SLC9C1: variants seen among roughly 807,000 people sequenced by gnomAD.
The protein encoded by SLC9C1 is solute carrier family 9 member C1, also known as sodium/hydrogen exchanger 10.
SLC9C1 carries 97 observed loss-of-function variants against 140.9 expected under a neutral mutation model. That is an observed-to-expected ratio of 0.69 (90% CI 0.58 to 0.82). The LOEUF is 0.82. Among genes scored for constraint, SLC9C1 ranks in the 40% least tolerant of loss-of-function variants. The pLI, the probability that SLC9C1 is intolerant of heterozygous loss-of-function variation, is 0.00. For synonymous variants in SLC9C1, 440 were observed against 442.6 expected (o/e 0.99, Z 0.07); for missense variants, 1,340 against 1,389.3 (o/e 0.96, Z 0.56).
At chr3:112,179,160 G>A (rs2077393238) in intron 23 of SLC9C1, among the ~76,000 whole-genome samples, 1 of 152,082 alleles carries the variant, frequency 6.6e-6, no homozygotes, top group South Asian at 2.1e-4. Context: ...CATGTGTAGG[G>A]AAACTTCCAG....
chr3:112,248,881 A>G (rs892600018), intron 10 of SLC9C1, among the ~76,000 whole-genome samples: 10 of 152,204 alleles, frequency 6.6e-5, no homozygotes, highest in African/African-American at 2.2e-4. Context: ...GTATAAAATC[A>G]TATCTTCTGC....
intron 20 of SLC9C1, among the ~76,000 whole-genome samples, chr3:112,185,032 A>G (rs2077505975): frequency 6.6e-6 from 1 of 152,052 alleles, no homozygotes; most frequent in Admixed American, 6.5e-5. Flanking sequence ...GGGGAGAGTC[A>G]TGTGCATGAG....
chr3:112,219,333 A>G (rs11715536), intron 14 of SLC9C1, among the ~76,000 whole-genome samples: 45,439 of 152,104 alleles, frequency 0.3, 6,994 homozygotes, highest in East Asian at 0.35. Flanking sequence ...AAGCACATCA[A>G]TAGAAAGTTC....
chr3:112,268,739 A>T (rs1456731520), intron 7 of SLC9C1, among the ~76,000 whole-genome samples: 2 of 152,176 alleles, frequency 1.3e-5, no homozygotes, highest in African/African-American at 2.4e-5. Flanking sequence ...CCCTTATTGT[A>T]TTAGCTAGAG....
intron 11 of SLC9C1, 103 bp downstream of exon 11, chr3:112,243,892 A>C: frequency 5.5e-6 from 4 of 731,362 alleles, no homozygotes; most frequent in East Asian, 3.0e-5. Flanking sequence ...GGGTCTCACT[A>C]TGTTGCCTAG....
chr3:112,263,463 G>T (rs2079831896), intron 9 of SLC9C1, among the ~76,000 whole-genome samples: 1 of 151,584 alleles, frequency 6.6e-6, no homozygotes, highest in African/African-American at 2.4e-5. Context: ...AATGTTCTCT[G>T]TTTCTTTTTG....
chr3:112,257,990 G>C (rs901413187), intron 10 of SLC9C1, among the ~76,000 whole-genome samples: 20 of 152,140 alleles, frequency 1.3e-4, no homozygotes, highest in African/African-American at 4.6e-4. Context: ...AAACCATTAT[G>C]AGATACCATC....
At chr3:112,289,924 C>T (rs56065326) in intron 1 of SLC9C1, among the ~76,000 whole-genome samples, 31,193 of 152,022 alleles carry the variant, frequency 0.21, 3,604 homozygotes, top group Middle Eastern at 0.3. Context: ...AATACTGATG[C>T]CTTGGTGCCC....
intron 13 of SLC9C1, among the ~76,000 whole-genome samples, chr3:112,229,105 A>C (rs1045700332): frequency 6.6e-6 from 1 of 152,124 alleles, no homozygotes; most frequent in Non-Finnish European, 1.5e-5. Context: ...TCTCACTCAT[A>C]TATGGAAGCT....
At chr3:112,217,384 A>T in intron 15 of SLC9C1, 58 bp downstream of exon 15, 2 of 1,500,560 alleles carry the variant, frequency 1.3e-6, no homozygotes, top group Non-Finnish European at 1.8e-6. Context: ...TTAAAAGAAA[A>T]AACAGGGAAT....
chr3:112,193,479 G>A (rs1344352713), intron 20 of SLC9C1, among the ~76,000 whole-genome samples: 1 of 152,186 alleles, frequency 6.6e-6, no homozygotes, highest in Admixed American at 6.5e-5. Context: ...GCAGGCCAGA[G>A]GCATGTCTGT....
intron 11 of SLC9C1, among the ~76,000 whole-genome samples, chr3:112,243,344 C>T (rs369603756): frequency 6.6e-6 from 1 of 152,254 alleles, no homozygotes; most frequent in East Asian, 1.9e-4. Flanking sequence ...TAAAAAAGAA[C>T]AAGATTATGC....
chr3:112,173,108 T>A (rs574128037), intron 23 of SLC9C1, among the ~76,000 whole-genome samples: 2 of 152,182 alleles, frequency 1.3e-5, no homozygotes, highest in African/African-American at 4.8e-5. Flanking sequence ...TGACAAAGTC[T>A]GTGTAAGATT....
At chr3:112,286,265 T>C (rs535377267) in intron 2 of SLC9C1, among the ~76,000 whole-genome samples, 9 of 152,334 alleles carry the variant, frequency 5.9e-5, no homozygotes, top group African/African-American at 2.2e-4. Context: ...TGCTTCTTTG[T>C]AATACAGTCC....
intron 10 of SLC9C1, among the ~76,000 whole-genome samples, chr3:112,247,011 C>T (rs1267392955): frequency 6.6e-6 from 1 of 152,056 alleles, no homozygotes; most frequent in African/African-American, 2.4e-5. Context: ...GGTCTTTTCC[C>T]CTCTTGTTTT....
intron 26 of SLC9C1, among the ~76,000 whole-genome samples, chr3:112,164,405 T>G (rs2075401630): frequency 7.2e-6 from 1 of 137,954 alleles, no homozygotes; most frequent in Non-Finnish European, 1.5e-5. Context: ...TTGCAGCAGC[T>G]GGTACCGGTT....
chr3:112,184,588 A>C (rs1173402928), intron 20 of SLC9C1, among the ~76,000 whole-genome samples: 1 of 152,200 alleles, frequency 6.6e-6, no homozygotes, highest in Non-Finnish European at 1.5e-5. Flanking sequence ...GTGAGCCGAA[A>C]TCTTGCTACT....
chr3:112,273,709 G>A (rs2080139436), intron 6 of SLC9C1, among the ~76,000 whole-genome samples: 5 of 152,160 alleles, frequency 3.3e-5, no homozygotes, highest in Admixed American at 3.3e-4. Context: ...TCTAGGGACA[G>A]GGAAAACAAT....
At position 112,270,060 on chromosome 3, in the gene SLC9C1, C is replaced by A; in HGVS notation, c.631G>T (p.Gly211Ter). Reference sequence around the variant, plus strand: ...CTTGCTATAATATATGAACAAATTCCACCCACGATCTCTTCAGCTACAAGA... The same window carrying A: ...CTTGCTATAATATATGAACAAATTCAACCCACGATCTCTTCAGCTACAAGA... Reference protein sequence around the residue: ...NHTLAEEIVGGICSYIIASFL... With the variant: ...NHTLAEEIVG Residue 211 changes from glycine to a stop codon, truncating the protein, a stop_gained, in exon 7 of 29, where the codon GGA becomes TGA. Transcript: ENST00000305815. LOFTEE classifies it high-confidence loss of function. The A allele has an allele frequency of 6.4e-7, 1 of 1,558,358 alleles. No homozygotes were observed. The highest frequency in any genetic ancestry group is 2.4e-5 in the East Asian group (1 of 42,236).
Sources: allele counts gnomAD v4.1 joint callset (sites outside exome capture counted in the v4.1 genomes callset), GRCh38; gene constraint gnomAD v4.1.1; transcripts MANE v1.5; gene names NCBI Gene and HGNC (gene_info 2026-07-23, HGNC 2026-07-21).